The following SMARCA2 variants were observed in gnomAD, a reference collection of about 807,000 sequenced individuals.
SMARCA2 encodes the protein SWI/SNF related BAF chromatin remodeling complex subunit ATPase 2.
Under a neutral mutation model 199.8 loss-of-function variants are expected in SMARCA2, and 61 were observed. The observed-to-expected ratio is 0.31, with a 90% confidence interval of 0.25 to 0.38. SMARCA2 has a LOEUF of 0.38. SMARCA2 is among the 10% of genes least tolerant of loss of function. The pLI, the probability that SMARCA2 is intolerant of heterozygous loss-of-function variation, is 1.00. For missense variants in SMARCA2, 1,344 were observed against 2,012.2 expected (o/e 0.67, Z 6.35); for synonymous variants, 935 against 732.0 (o/e 1.28, Z -4.48).
rs1030305614 is a variant in SMARCA2, at chr9:2,016,900, C to G, written c.-37+1496C>G. Among the ~76,000 whole-genome samples, 2 of 152,318 alleles carry G rather than the reference C, an allele frequency of 1.3e-5. No individual in the cohort carries two copies. Among genetic ancestry groups the G allele is most frequent in the South Asian group, 2.1e-4 (1 of 4,828 alleles). On this transcript the variant is annotated intron_variant, in intron 1 of 33. Transcript: ENST00000349721. This position sits in a 1 kb window ranked among gnomAD's most constrained non-coding sequence, Gnocchi z 5.6. ...TCTGCAAAGGTGTCGCGATGCACTT[C>G]CCTAAATAACCGGTCCGGCGCGCCA...
At chr9:2,126,279 A>C (rs1331764311) in intron 27 of SMARCA2, among the ~76,000 whole-genome samples, 1 of 152,232 alleles carries the variant, frequency 6.6e-6, no homozygotes, top group African/African-American at 2.4e-5. Flanking sequence ...GAAGGACGAA[A>C]CTGTTCTCAA....
intron 32 of SMARCA2, among the ~76,000 whole-genome samples, chr9:2,187,157 C>T (rs182927388): frequency 6.6e-6 from 1 of 151,860 alleles, no homozygotes; most frequent in Non-Finnish European, 1.5e-5. Context: ...TGACAGGGTA[C>T]TGTCTTTATT....
intron 3 of SMARCA2, among the ~76,000 whole-genome samples, chr9:2,036,828 C>G (rs1477009791): frequency 6.6e-6 from 1 of 152,032 alleles, no homozygotes; most frequent in East Asian, 1.9e-4. Flanking sequence ...ATGTAACTGT[C>G]TCACCTTCAT....
chr9:2,086,494 G>A lies in SMARCA2; in HGVS notation c.2527-335G>A, dbSNP rs371190036. On this transcript the variant is annotated intron_variant, in intron 17 of 33. Transcript: ENST00000349721. This position sits in a 1 kb window ranked among gnomAD's most constrained non-coding sequence, Gnocchi z 4.3. ...AATCTGGGATAGCTGTCATGATAAC[G>A]TATTAATAGAAGGGGCATTGGATGG... Among the ~76,000 whole-genome samples, 6 of 152,318 alleles carry A rather than the reference G, an allele frequency of 3.9e-5. No homozygotes were observed. The highest frequency in any genetic ancestry group is 1.2e-4 in the African/African-American group (5 of 41,568).
At chr9:2,134,494 C>T (rs1824109484) in intron 27 of SMARCA2, among the ~76,000 whole-genome samples, 1 of 152,220 alleles carries the variant, frequency 6.6e-6, no homozygotes, top group Non-Finnish European at 1.5e-5. Context: ...CGCCTGCCAA[C>T]CTATACCCAC....
chr9:2,180,409 T>G (rs1359039336), intron 29 of SMARCA2, among the ~76,000 whole-genome samples: 1 of 152,178 alleles, frequency 6.6e-6, no homozygotes, highest in East Asian at 1.9e-4. Flanking sequence ...TAACTGTCAT[T>G]ATGATTACTT....
chr9:2,177,461 G>C (rs749577731), intron 29 of SMARCA2, among the ~76,000 whole-genome samples: 1 of 151,428 alleles, frequency 6.6e-6, no homozygotes, highest in Non-Finnish European at 1.5e-5. Context: ...AGGTAAAAAA[G>C]AAAAACCATA....
chr9:2,044,376 G>A (rs887705361), intron 4 of SMARCA2: 2 of 152,204 alleles, frequency 1.3e-5, no homozygotes, highest in African/African-American at 4.8e-5. Context: ...GAGGAGTTGT[G>A]TTAAACTGTT....
At chr9:2,070,498 T>C in intron 10 of SMARCA2, 27 bp downstream of exon 10, 1 of 1,580,626 alleles carries the variant, frequency 6.3e-7, no homozygotes, top group Non-Finnish European at 8.7e-7. Context: ...CTTTCCACTG[T>C]GTTCTGCTGA....
Position 2,032,938 on chromosome 9 carries a change from T to C in SMARCA2, c.226-14T>C, listed in dbSNP as rs747413467. 9.3e-6 allele frequency: 15 copies of C among 1,612,666 alleles called. No individual in the cohort carries two copies. Among genetic ancestry groups the C allele is most frequent in the Non-Finnish European group, 1.3e-5 (15 of 1,179,030 alleles). ...TTATAGAGGTGTCTAACTAATGTCC[T>C]TTAAATGTTTCAGCCCATCGATGGT... is the stretch of plus-strand genomic sequence containing the variant. On this transcript the variant is annotated splice_polypyrimidine_tract_variant and intron_variant, in intron 2 of 33. Coordinates refer to ENST00000349721, the MANE Select transcript of SMARCA2 (RefSeq NM_003070.5).
At chr9:2,142,143 T>A (rs1462203651) in intron 27 of SMARCA2, among the ~76,000 whole-genome samples, 1 of 152,216 alleles carries the variant, frequency 6.6e-6, no homozygotes, top group Admixed American at 6.5e-5. Flanking sequence ...AAGTTGCAGA[T>A]GCTCTACCTT....
intron 2 of SMARCA2, 76 bp from the exon 3 acceptor site, chr9:2,032,876 G>A: frequency 1.5e-6 from 2 of 1,367,736 alleles, no homozygotes; most frequent in South Asian, 2.7e-5. Flanking sequence ...AAGAACTTAG[G>A]AAGGGGTCTG....
In SMARCA2 at chr9:2,015,929, G is replaced by C. The variant is rs537830233; in HGVS notation, c.-37+525G>C. The C allele has an allele frequency of 2.0e-5, 3 of 152,492 alleles. No individual in the cohort carries two copies. The East Asian group carries it at 5.8e-4, about 29-fold the overall frequency. The allele number at this position is 152,492 out of a possible 1,614,324, so 9.4% of individuals were successfully genotyped here. ...AGGGGAGGAGGATGGAAACGCTACT[G>C]TTCATCCCGGGCAACCCTCCCCGGA... On this transcript the variant is annotated intron_variant, in intron 1 of 33. Transcript: ENST00000349721.
rs1182960028 is a variant in SMARCA2, at chr9:2,016,673, A to G, written c.-37+1269A>G. ...GGGGAAGGGCTGCGGTGGGGAGGGA[A>G]TAGGGGGGTGGCGAGGGCGGGAGGC... On this transcript the variant is annotated intron_variant, in intron 1 of 33. Coordinates refer to ENST00000349721, the MANE Select transcript of SMARCA2 (RefSeq NM_003070.5). This position sits in a 1 kb window ranked among gnomAD's most constrained non-coding sequence, Gnocchi z 5.6. Among the ~76,000 whole-genome samples, 1 of 128,522 alleles carries G rather than the reference A, an allele frequency of 7.8e-6. No individual in the cohort carries two copies. The highest frequency in any genetic ancestry group is 7.7e-5 in the Admixed American group (1 of 12,998). The allele number at this position is 128,522 out of a possible 152,430, so 84.3% of individuals were successfully genotyped here.
chr9:2,170,297 TA>T lies in SMARCA2; in HGVS notation c.4200-120del. ...CAAACATAACCCCGTGTAATCTTCC[TA>T]ACAAGGCAGGTTGGTGAGGAGACTG... is the stretch of plus-strand genomic sequence containing the variant. On this transcript the variant is annotated intron_variant, in intron 28 of 33. Coordinates refer to ENST00000349721, the MANE Select transcript of SMARCA2 (RefSeq NM_003070.5). The surrounding 1 kb of genome is among the most constrained non-coding windows in gnomAD (Gnocchi z 4.7). 8.0e-7 allele frequency: 1 copy of T among 1,243,272 alleles called. No homozygotes were observed. The highest frequency in any genetic ancestry group is 1.1e-6 in the Non-Finnish European group (1 of 886,198). 77.0% of individuals were successfully genotyped at this position (1,243,272 alleles called of 1,614,324 possible).
intron 6 of SMARCA2, chr9:2,055,512 C>A (rs1820312274): frequency 6.6e-6 from 1 of 152,198 alleles, no homozygotes; most frequent in East Asian, 1.9e-4. Flanking sequence ...TTGTTAAAGT[C>A]TGGAACATGC....
rs3057852 is a variant in SMARCA2 at position 2,082,306 on chromosome 9, G to GGT, written c.2348+355_2348+356dup. On this transcript the variant is annotated intron_variant, in intron 15 of 33. Transcript: ENST00000349721. Reference sequence around the variant, plus strand: ...CCTTAAGTGGCTCACAAAGGGGAAAGGTGTGTGTGTGTGTGTGTGTGTGTG... The same window carrying GGT: ...CCTTAAGTGGCTCACAAAGGGGAAAGGTGTGTGTGTGTGTGTGTGTGTGTGTG... 0.019 allele frequency among the ~76,000 whole-genome samples: 2,276 copies of GGT among 121,820 alleles called. 25 individuals carry two copies. The highest frequency in any genetic ancestry group is 0.056 in the East Asian group (228 of 4,106). 79.9% of individuals were successfully genotyped at this position (121,820 alleles called of 152,430 possible). A position where few individuals can be genotyped will look rare whatever the true frequency, so the allele number is the denominator to read the frequency against.
At chr9:2,026,104 G>C (rs960772706) in intron 1 of SMARCA2, among the ~76,000 whole-genome samples, 3 of 152,290 alleles carry the variant, frequency 2.0e-5, no homozygotes, top group African/African-American at 7.2e-5. Context: ...CAGGGCCCTA[G>C]AGTTGGTGGT....
intron 27 of SMARCA2, among the ~76,000 whole-genome samples, chr9:2,132,415 T>C (rs559409984): frequency 4.7e-4 from 71 of 152,274 alleles, no homozygotes; most frequent in African/African-American, 1.7e-3. Flanking sequence ...GATGTACTTT[T>C]CCCCTAAAAT....
Sources: allele counts gnomAD v4.1 joint callset (sites outside exome capture counted in the v4.1 genomes callset), GRCh38; gene constraint gnomAD v4.1.1; non-coding constraint Gnocchi (gnomAD v3.1); transcripts MANE v1.5; gene names NCBI Gene and HGNC (gene_info 2026-07-23, HGNC 2026-07-21).